ABCB1: variants seen among roughly 807,000 people sequenced by gnomAD.
ABCB1 encodes ATP-dependent translocase ABCB1.
ABCB1 carries 69 observed loss-of-function variants against 142.0 expected under a neutral mutation model. The observed-to-expected ratio is 0.49, with a 90% CI of 0.40 to 0.59. The LOEUF (loss-of-function observed/expected upper bound fraction) is 0.59, where lower values mean the gene tolerates loss of function less well. Among genes scored for constraint, ABCB1 ranks in the 20% least tolerant of loss-of-function variants. ABCB1 has a pLI of 0.00. For synonymous variants in ABCB1, 532 were observed against 539.2 expected, an observed-to-expected ratio of 0.99 and a Z score of 0.18; for missense variants, 1,326 against 1,554.7, an observed-to-expected ratio of 0.85 and a Z score of 2.47.
At chr7:87,656,897 A>G (rs1824159093) in intron 1 of ABCB1, among the ~76,000 whole-genome samples, 1 of 152,186 alleles carries the variant, frequency 6.6e-6, no homozygotes, top group African/African-American at 2.4e-5. Flanking sequence ...GTATTTATTG[A>G]GTATCTACTA....
At chr7:87,565,797 G>A (rs185998112) in intron 7 of ABCB1, among the ~76,000 whole-genome samples, 29 of 150,420 alleles carry the variant, frequency 1.9e-4, no homozygotes, top group South Asian at 1.5e-3. Flanking sequence ...TTACTTGCTC[G>A]TTTTCTTACA....
chr7:87,623,478 C>T (rs545854937), intron 1 of ABCB1, among the ~76,000 whole-genome samples: 1 of 152,294 alleles, frequency 6.6e-6, no homozygotes, highest in South Asian at 2.1e-4. Flanking sequence ...GTAATACCCA[C>T]CTCACTATCC....
At chr7:87,659,617 G>A (rs1367525780) in intron 1 of ABCB1, among the ~76,000 whole-genome samples, 1 of 152,102 alleles carries the variant, frequency 6.6e-6, no homozygotes, top group Non-Finnish European at 1.5e-5. Flanking sequence ...GAAGGATAAA[G>A]CAAGTTTGTT....
At chr7:87,608,975 T>C (rs2130043223) in intron 1 of ABCB1, among the ~76,000 whole-genome samples, 1 of 152,342 alleles carries the variant, frequency 6.6e-6, no homozygotes, top group Admixed American at 6.5e-5. Context: ...ACCCTGTATA[T>C]GTCACATATT....
intron 1 of ABCB1, among the ~76,000 whole-genome samples, chr7:87,642,326 GT>G (rs1822540812): frequency 6.6e-6 from 1 of 151,912 alleles, no homozygotes; most frequent in Non-Finnish European, 1.5e-5. Context: ...ATATGTTATG[GT>G]TTTTTTCTGT....
intron 1 of ABCB1, among the ~76,000 whole-genome samples, chr7:87,613,977 G>C (rs559880982): frequency 1.5e-3 from 223 of 151,964 alleles, no homozygotes; most frequent in Middle Eastern, 3.4e-3. Flanking sequence ...AGACAAACTT[G>C]GTTTGTGTTA....
chr7:87,563,254 T>C (rs1817645829), intron 7 of ABCB1: 1 of 334,494 alleles, frequency 3.0e-6, no homozygotes, highest in South Asian at 2.6e-5. Flanking sequence ...GCTGATACCA[T>C]TCCTACTGAA....
At chr7:87,531,252 T>C (rs1477984511) in intron 21 of ABCB1, 42 bp downstream of exon 21, 1 of 1,522,508 alleles carries the variant, frequency 6.6e-7, no homozygotes, top group African/African-American at 1.4e-5. Context: ...ATTAGAATAC[T>C]TTACTCTACT....
At chr7:87,522,169 T>C in intron 21 of ABCB1, 2 of 1,448,986 alleles carry the variant, frequency 1.4e-6, no homozygotes, top group South Asian at 2.3e-5. Flanking sequence ...TGGTGGTGGA[T>C]ATAGTGGCAG....
chr7:87,559,063 T>G (rs576496462), intron 8 of ABCB1, among the ~76,000 whole-genome samples: 1 of 152,242 alleles, frequency 6.6e-6, no homozygotes, highest in South Asian at 2.1e-4. Flanking sequence ...CCTGGTAATA[T>G]AGTATCAAAG....
intron 1 of ABCB1, chr7:87,628,593 G>T (rs1820850170): frequency 8.0e-6 from 1 of 124,706 alleles, no homozygotes; most frequent in Non-Finnish European, 1.6e-5. Flanking sequence ...GCGTGTGTGT[G>T]TGTGTGTGTG....
At chr7:87,508,273 C>A (rs1401798545) in intron 26 of ABCB1, among the ~76,000 whole-genome samples, 2 of 152,208 alleles carry the variant, frequency 1.3e-5, no homozygotes, top group Non-Finnish European at 2.9e-5. Flanking sequence ...CACATGATCT[C>A]ATGTGACAGG....
chr7:87,680,089 G>A lies in ABCB1; in HGVS notation c.-331+33072C>T, dbSNP rs149862657. 1.2e-3 allele frequency among the ~76,000 whole-genome samples: 175 copies of A among 150,256 alleles called. 9 individuals carry two copies. The highest frequency in any genetic ancestry group is 4.1e-3 in the African/African-American group (164 of 40,486). On this transcript the variant is annotated intron_variant, in intron 1 of 28. Coordinates refer to the ABCB1 transcript ENST00000265724. Reference sequence around the variant, plus strand: ...CCCCACCCTGTGTCCATGTGTTCTCGTTGTTCAACTTCCACTTATGAGTGA... The same window carrying A: ...CCCCACCCTGTGTCCATGTGTTCTCATTGTTCAACTTCCACTTATGAGTGA...
intron 1 of ABCB1, among the ~76,000 whole-genome samples, chr7:87,614,183 G>A (rs1276889839): frequency 6.6e-6 from 1 of 152,048 alleles, no homozygotes; most frequent in African/African-American, 2.4e-5. Context: ...ATTGCTTGAG[G>A]CCAGGAGTTC....
chr7:87,639,121 T>G (rs1427458844), intron 1 of ABCB1, among the ~76,000 whole-genome samples: 1 of 118,990 alleles, frequency 8.4e-6, no homozygotes, highest in East Asian at 2.8e-4. Flanking sequence ...ACCACTGCAC[T>G]CCAGCCTGGG....
intron 3 of ABCB1, among the ~76,000 whole-genome samples, chr7:87,588,711 T>C (rs1818863596): frequency 6.6e-6 from 1 of 152,238 alleles, no homozygotes; most frequent in African/African-American, 2.4e-5. Flanking sequence ...ATAGGTCAAA[T>C]GGTATTTCTG....
upstream of ABCB1, among the ~76,000 whole-genome samples, chr7:87,603,552 A>G (rs571239041): frequency 6.6e-6 from 1 of 152,346 alleles, no homozygotes; most frequent in East Asian, 1.9e-4. Context: ...GCTTTTAAGA[A>G]CCACAACACA....
Position 87,503,178 on chromosome 7 carries a change from C to T in ABCB1, c.*1065G>A, listed in dbSNP as rs1814565357. 1.3e-5 allele frequency among the ~76,000 whole-genome samples: 2 copies of T among 150,320 alleles called. No homozygotes were observed. Among genetic ancestry groups the T allele is most frequent in the South Asian group, 4.2e-4 (2 of 4,788 alleles). ...TTATATCCTTTCCTATTTTTTTTTC[C>T]TGGAGGTGATGGCTTCTTTTTTTTA... On this transcript the variant is annotated 3_prime_UTR_variant, in exon 28 of 28. Transcript: ENST00000622132.
chr7:87,645,293 A>G (rs1235471202), intron 1 of ABCB1, among the ~76,000 whole-genome samples: 2 of 152,052 alleles, frequency 1.3e-5, no homozygotes, highest in Admixed American at 1.3e-4. Context: ...CATGTTGGCC[A>G]GGCAGGTCTT....
Sources: allele counts gnomAD v4.1 joint callset (sites outside exome capture counted in the v4.1 genomes callset), GRCh38; gene constraint gnomAD v4.1.1; transcripts MANE v1.5; gene names NCBI Gene and HGNC (gene_info 2026-07-23, HGNC 2026-07-21).